Variants in MAF observed in about 807,000 individuals in gnomAD.
MAF encodes the protein MAF bZIP transcription factor.
In MAF, 10 loss-of-function variants were observed where a neutral mutation model predicts 22.0. That is an observed-to-expected ratio of 0.45 (90% CI 0.28 to 0.77). MAF has a LOEUF of 0.77. Ranked by LOEUF, MAF falls within the 30% of genes least tolerant of loss-of-function variation. MAF has a pLI of 0.12. For synonymous variants in MAF, 337 were observed against 255.8 expected, an observed-to-expected ratio of 1.32 and a Z score of -3.03; for missense variants, 544 against 548.4, an observed-to-expected ratio of 0.99 and a Z score of 0.08.
chr16:79,263,743 T>G, the MAF span, among the ~76,000 whole-genome samples: 1 of 152,240 alleles, frequency 6.6e-6, no homozygotes, highest in Admixed American at 6.5e-5. Context: ...TGGAGATTCA[T>G]GAGAGTTCAT....
the MAF span, among the ~76,000 whole-genome samples, chr16:79,507,913 G>C: frequency 6.6e-6 from 1 of 152,114 alleles, no homozygotes; most frequent in African/African-American, 2.4e-5. Context: ...TTACCTGAAA[G>C]CATTAGACTT....
chr16:79,256,377 T>C, the MAF span, among the ~76,000 whole-genome samples: 4 of 152,032 alleles, frequency 2.6e-5, no homozygotes, highest in Non-Finnish European at 4.4e-5. Context: ...CAGCATCCAT[T>C]TTACCCCCTA....
chr16:79,487,061 G>C, the MAF span, among the ~76,000 whole-genome samples: 1 of 151,994 alleles, frequency 6.6e-6, no homozygotes, highest in Non-Finnish European at 1.5e-5. Context: ...ACTCCTTTTT[G>C]CAAAGAACAT....
At chr16:79,310,965 C>A in the MAF span, among the ~76,000 whole-genome samples, 1 of 152,000 alleles carries the variant, frequency 6.6e-6, no homozygotes, top group Non-Finnish European at 1.5e-5. Flanking sequence ...CTTGGCTCCA[C>A]TGCTCCCAGG....
the MAF span, among the ~76,000 whole-genome samples, chr16:79,381,511 T>A: frequency 6.6e-6 from 1 of 152,140 alleles, no homozygotes; most frequent in African/African-American, 2.4e-5. Flanking sequence ...GCGCTGTGGT[T>A]CTCTTTGGTG....
At chr16:79,528,644 T>C in the MAF span, among the ~76,000 whole-genome samples, 2 of 148,062 alleles carry the variant, frequency 1.4e-5, no homozygotes, top group East Asian at 2.0e-4. Context: ...TTGAGAGATA[T>C]CAATTCGAAG....
chr16:79,585,976 T>C (rs1289794345), intron 1 of MAF: 1 of 667,068 alleles, frequency 1.5e-6, no homozygotes. Context: ...AAACAAAGGG[T>C]AATTAATAAC....
At chr16:79,212,334 C>G in the MAF span, 39 of 719,642 alleles carry the variant, frequency 5.4e-5, no homozygotes, top group Non-Finnish European at 8.3e-5. Flanking sequence ...TTGTCCCAGC[C>G]AGTGAGGATG....
chr16:79,522,742 G>C, the MAF span, among the ~76,000 whole-genome samples: 1 of 152,206 alleles, frequency 6.6e-6, no homozygotes, highest in Non-Finnish European at 1.5e-5. Flanking sequence ...TCAATCCAAC[G>C]ATGGCTTGCT....
the MAF span, among the ~76,000 whole-genome samples, chr16:79,534,183 G>A: frequency 6.6e-6 from 1 of 152,192 alleles, no homozygotes; most frequent in Non-Finnish European, 1.5e-5. Flanking sequence ...TACCTTTGAA[G>A]TAGACTGTAA....
chr16:79,579,418 T>C, the MAF span, among the ~76,000 whole-genome samples: 1 of 152,208 alleles, frequency 6.6e-6, no homozygotes, highest in African/African-American at 2.4e-5. Context: ...ACATTGCCTC[T>C]ACCATACAAG....
the MAF span, among the ~76,000 whole-genome samples, chr16:79,319,459 T>G: frequency 1.3e-5 from 2 of 152,330 alleles, no homozygotes; most frequent in East Asian, 3.9e-4. Context: ...GTGGATTAAA[T>G]TAACACTGAC....
At chr16:79,554,474 G>A in the MAF span, among the ~76,000 whole-genome samples, 1 of 152,112 alleles carries the variant, frequency 6.6e-6, no homozygotes, top group African/African-American at 2.4e-5. Flanking sequence ...AGCTGCAAAC[G>A]GACAGTACTT....
At chr16:79,439,698 G>A in the MAF span, among the ~76,000 whole-genome samples, 505 of 152,276 alleles carry the variant, frequency 3.3e-3, 4 homozygotes, top group African/African-American at 0.011. Context: ...CACTCAGAAA[G>A]AGGTCCATGT....
the MAF span, chr16:79,211,564 C>G: frequency 1.2e-6 from 2 of 1,613,546 alleles, no homozygotes; most frequent in African/African-American, 1.3e-5. Context: ...TCTCATCACT[C>G]CTTTTCTTAA....
the MAF span, among the ~76,000 whole-genome samples, chr16:79,271,058 G>T: frequency 1.3e-5 from 2 of 150,576 alleles, no homozygotes; most frequent in African/African-American, 4.9e-5. Context: ...CCGCCACCAT[G>T]CCTGGCTTTC....
the MAF span, among the ~76,000 whole-genome samples, chr16:79,305,144 C>A: frequency 6.6e-6 from 1 of 152,170 alleles, no homozygotes; most frequent in East Asian, 1.9e-4. Context: ...GCCAGCAGGC[C>A]AGGGGCTGGT....
At chr16:79,271,261 C>G in the MAF span, among the ~76,000 whole-genome samples, 1 of 152,212 alleles carries the variant, frequency 6.6e-6, no homozygotes, top group South Asian at 2.1e-4. Flanking sequence ...CCCTAGCTCA[C>G]TGTTTCCCCA....
chr16:79,482,088 G>A, the MAF span, among the ~76,000 whole-genome samples: 1 of 152,204 alleles, frequency 6.6e-6, no homozygotes, highest in Non-Finnish European at 1.5e-5. Context: ...GATGTGAAAA[G>A]TGTTTGTAAC....
Sources: allele counts gnomAD v4.1 joint callset (sites outside exome capture counted in the v4.1 genomes callset), GRCh38; gene constraint gnomAD v4.1.1; transcripts MANE v1.5; gene names NCBI Gene and HGNC (gene_info 2026-07-23, HGNC 2026-07-21).